Variants in RET observed in about 807,000 individuals in gnomAD.
The protein encoded by RET is ret proto-oncogene.
A neutral mutation model predicts 118.3 loss-of-function variants in RET; 19 were observed. The observed-to-expected ratio is 0.16, with a 90% confidence interval of 0.11 to 0.24. RET has a LOEUF of 0.24. Ranked by LOEUF, RET falls within the 10% of genes least tolerant of loss-of-function variation. The pLI, the probability that RET is intolerant of heterozygous loss-of-function variation, is 1.00. For missense variants in RET, 1,219 were observed against 1,502.1 expected (o/e 0.81, Z 3.12); for synonymous variants, 597 against 644.1 (o/e 0.93, Z 1.11).
At chr10:43,107,919 T>C (rs1340091462) in intron 5 of RET, among the ~76,000 whole-genome samples, 1 of 152,152 alleles carries the variant, frequency 6.6e-6, no homozygotes, top group Non-Finnish European at 1.5e-5. Flanking sequence ...GAGTTAAGCT[T>C]TGCCTAAAGA....
intron 1 of RET, among the ~76,000 whole-genome samples, chr10:43,093,175 A>C (rs1052615570): frequency 6.6e-6 from 1 of 151,970 alleles, no homozygotes; most frequent in African/African-American, 2.4e-5. Flanking sequence ...CCTGATGAGG[A>C]GCTATGTTTT....
intron 15 of RET, among the ~76,000 whole-genome samples, chr10:43,121,322 T>G (rs1838213149): frequency 6.6e-6 from 1 of 152,140 alleles, no homozygotes; most frequent in Non-Finnish European, 1.5e-5. Flanking sequence ...GGCACACATT[T>G]TAAAAATGGA....
rs543135334 is a variant in RET at position 43,077,603 on chromosome 10, C to T, written c.73+272C>T. 3.0e-4 allele frequency among the ~76,000 whole-genome samples: 45 copies of T among 152,010 alleles called. 1 individual carries two copies. In the East Asian group the frequency reaches 8.6e-3, roughly 29 times the overall value. On this transcript the variant is annotated intron_variant, in intron 1 of 19. Transcript: ENST00000355710. The stretch of plus-strand genomic sequence containing the variant: ...GCCGCGGGGGTCGGTGCTCAGAACC[C>T]TAGCCATAGCCGCAGGTCTCAATCT...
At chr10:43,119,866 TG>T in intron 14 of RET, 121 bp downstream of exon 14, 1 of 1,281,850 alleles carries the variant, frequency 7.8e-7, no homozygotes, top group Non-Finnish European at 1.1e-6. Flanking sequence ...TAGCCCACCA[TG>T]CCCCTGCCAT....
intron 1 of RET, among the ~76,000 whole-genome samples, chr10:43,092,559 G>C (rs963427131): frequency 1.3e-5 from 2 of 152,162 alleles, no homozygotes; most frequent in Admixed American, 1.3e-4. Context: ...AGCCTCCCTT[G>C]ATCCGTGTTT....
chr10:43,117,952 G>A lies in RET; in HGVS notation c.2285-421G>A, dbSNP rs114921735. On this transcript the variant is annotated intron_variant, in intron 12 of 19. Coordinates refer to ENST00000355710, the MANE Select transcript of RET (RefSeq NM_020975.6). ...AGCGGGAAATGGGGAGCCTGGTCGC[G>A]GTGTGTGGACCTCCTTTATGGCTCT... Among the ~76,000 whole-genome samples the A allele has an allele frequency of 5.4e-3, 824 of 152,262 alleles. 6 individuals are homozygous for A. Among genetic ancestry groups the A allele is most frequent in the African/African-American group, 0.018 (729 of 41,536 alleles).
intron 19 of RET, 137 bp from the exon 20 acceptor site, chr10:43,127,975 A>G: frequency 1.1e-6 from 1 of 886,966 alleles, no homozygotes; most frequent in Admixed American, 1.7e-5. Context: ...AACCTGGAAC[A>G]CAAAACCATT....
At chr10:43,117,764 G>A (rs1224436907) in intron 12 of RET, among the ~76,000 whole-genome samples, 1 of 152,200 alleles carries the variant, frequency 6.6e-6, no homozygotes, top group Non-Finnish European at 1.5e-5. Context: ...TTAAGAATAA[G>A]CCAGAATGTC....
chr10:43,094,870 G>T (rs945808276), intron 1 of RET, among the ~76,000 whole-genome samples: 32 of 152,228 alleles, frequency 2.1e-4, no homozygotes, highest in African/African-American at 7.5e-4. Flanking sequence ...CCCGTGGTGT[G>T]TAATGGTATG....
chr10:43,121,894 C>A, intron 15 of RET, 52 bp from the exon 16 acceptor site: 1 of 1,425,810 alleles, frequency 7.0e-7, no homozygotes, highest in Non-Finnish European at 9.9e-7. Flanking sequence ...TTTACCCCTC[C>A]TTCCTAGAGA....
At position 43,077,301 on chromosome 10, in the gene RET, TTGCTGC is replaced by T. The variant is rs768132465; in HGVS notation, c.53_58del (p.Leu18_Leu19del). The T allele has an allele frequency of 1.3e-6, 2 of 1,511,750 alleles. No homozygotes were observed. Among genetic ancestry groups the T allele is most frequent in the Admixed American group, 2.1e-5 (1 of 48,722 alleles). 93.6% of individuals were successfully genotyped at this position (1,511,750 alleles called of 1,614,324 possible). A position where few individuals can be genotyped will look rare whatever the true frequency, so the allele number is the denominator to read the frequency against. ...CGGTGCCGCGGGGCTGCGTCTGCTGTTGCTGCTGCTGCTGCCGCTGCTAGGCAAAGG... is the reference window on the plus strand; with the variant it reads ...CGGTGCCGCGGGGCTGCGTCTGCTGTTGCTGCTGCCGCTGCTAGGCAAAGG... On this transcript the variant is annotated inframe_deletion, in exon 1 of 20. Coordinates refer to ENST00000355710, the MANE Select transcript of RET (RefSeq NM_020975.6).
At position 43,113,678 on chromosome 10, in the gene RET, G is replaced by A. The variant is rs1588873478; in HGVS notation, c.1879+3G>A. The A allele has an allele frequency of 6.2e-7, 1 of 1,613,012 alleles. No homozygotes were observed. Among genetic ancestry groups the A allele is most frequent in the Non-Finnish European group, 8.5e-7 (1 of 1,179,844 alleles). ...CTGCGAGCCCGAAGACATCCAGGGT[G>A]AGTGGGTGGCGGCCGGGACCACCAC... On this transcript the variant is annotated splice_donor_region_variant and intron_variant, in intron 10 of 19. Coordinates refer to ENST00000355710, the MANE Select transcript of RET (RefSeq NM_020975.6).
In RET at chr10:43,126,717, T is replaced by G. The variant is rs536486113; in HGVS notation, c.3182T>G (p.Leu1061Arg). 1.9e-6 allele frequency: 3 copies of G among 1,613,892 alleles called. No homozygotes were observed. Among genetic ancestry groups the G allele is most frequent in the Non-Finnish European group, 2.5e-6 (3 of 1,179,962 alleles). Reference sequence around the variant, plus strand: ...CCTTCCACATGGATTGAAAACAAACTCTATGGTAGAATTTCCCATGCATTT... The same window carrying G: ...CCTTCCACATGGATTGAAAACAAACGCTATGGTAGAATTTCCCATGCATTT... ...ALPSTWIENKLYGMSDPNWPG... is the reference protein window; with the variant it reads ...ALPSTWIENKRYGMSDPNWPG... The change falls in exon 19 of 20, where the codon CTC (leucine) becomes CGC (arginine). Residue 1061 changes from leucine (L) to arginine (R), a missense_variant. Transcript: ENST00000355710.
At chr10:43,086,490 G>A (rs1837291007) in intron 1 of RET, among the ~76,000 whole-genome samples, 1 of 152,210 alleles carries the variant, frequency 6.6e-6, no homozygotes, top group Non-Finnish European at 1.5e-5. Flanking sequence ...AGAGGCACCA[G>A]GGTCAAAGCC....
intron 14 of RET, 49 bp from the exon 15 acceptor site, chr10:43,120,032 C>T (rs773965669): frequency 1.5e-5 from 24 of 1,608,498 alleles, no homozygotes; most frequent in East Asian, 4.5e-5. Flanking sequence ...AGCCAGTGAC[C>T]GCTGCTGCCT....
chr10:43,098,701 C>T (rs1837573871), intron 1 of RET, among the ~76,000 whole-genome samples: 1 of 152,302 alleles, frequency 6.6e-6, no homozygotes, highest in Middle Eastern at 3.4e-3. Flanking sequence ...GGATTACAGG[C>T]GTGAGCCACT....
At chr10:43,084,356 C>T (rs1288362514) in intron 1 of RET, among the ~76,000 whole-genome samples, 1 of 152,244 alleles carries the variant, frequency 6.6e-6, no homozygotes, top group Non-Finnish European at 1.5e-5. Context: ...TTCTCACCAC[C>T]ACGCATTATT....
chr10:43,124,772 C>T (rs562500632), intron 17 of RET, 111 bp from the exon 18 acceptor site: 8 of 1,044,200 alleles, frequency 7.7e-6, no homozygotes, highest in Admixed American at 1.7e-5. Context: ...GAGTTGGAGA[C>T]AGAGCACACT....
In RET at chr10:43,102,582, T is replaced by A. The variant is rs1837665819; in HGVS notation, c.578T>A (p.Val193Glu). ...TTCCACCAGTTCCGCCTGCTGCCTG[T>A]GCAGTTCTTGTGCCCCAACATCAGC... ...GTFHQFRLLP[V>E]QFLCPNISVA... The change falls in exon 3 of 20, where the codon GTG becomes GAG. Residue 193 changes from valine to glutamate, a missense_variant. Val to Glu is a moderately radical substitution (Grantham distance 121). Around this residue, in one of 5 missense-constraint regions of RET, gnomAD observed 850 missense variants for 969.6 expected, o/e 0.88. Transcript: ENST00000355710. 6.2e-7 allele frequency: 1 copy of A among 1,614,104 alleles called. No homozygotes were observed. Among genetic ancestry groups the A allele is most frequent in the African/African-American group, 1.3e-5 (1 of 74,944 alleles).
Sources: allele counts gnomAD v4.1 joint callset (sites outside exome capture counted in the v4.1 genomes callset), GRCh38; gene constraint gnomAD v4.1.1; regional missense constraint gnomAD v4.1.1; transcripts MANE v1.5; gene names NCBI Gene and HGNC (gene_info 2026-07-23, HGNC 2026-07-21).